Variants in DLG2 observed in about 807,000 individuals in gnomAD.
DLG2 encodes the protein disks large homolog 2.
A neutral mutation model predicts 132.5 loss-of-function variants in DLG2; 45 were observed. The ratio of observed to expected loss-of-function variants is 0.34; its 90% CI spans 0.27 to 0.44. The LOEUF (loss-of-function observed/expected upper bound fraction) is 0.44, where lower values mean the gene tolerates loss of function less well. DLG2 is among the 20% of genes least tolerant of loss of function. DLG2 has a pLI of 1.00. For missense variants in DLG2, 1,045 were observed against 1,196.9 expected (o/e 0.87, Z 1.87); for synonymous variants, 424 against 419.6 (o/e 1.01, Z -0.13).
intron 18 of DLG2, among the ~76,000 whole-genome samples, chr11:83,786,114 T>C (rs1566956829): frequency 6.6e-6 from 1 of 152,218 alleles, no homozygotes; most frequent in Non-Finnish European, 1.5e-5. Flanking sequence ...AAGCAGGGCA[T>C]GGCTAATCCA....
chr11:83,692,096 T>C (rs951132402), intron 18 of DLG2: 1 of 152,236 alleles, frequency 6.6e-6, no homozygotes, highest in Non-Finnish European at 1.5e-5. Context: ...GATCTGAGTT[T>C]CAAACCTGAA....
At chr11:84,161,775 T>A (rs1395917412) in intron 9 of DLG2, among the ~76,000 whole-genome samples, 1 of 152,130 alleles carries the variant, frequency 6.6e-6, no homozygotes, top group East Asian at 1.9e-4. Context: ...GGCCCCACGT[T>A]TTCATGTTGT....
chr11:84,078,573 G>A (rs941341739), intron 10 of DLG2, among the ~76,000 whole-genome samples: 1 of 152,128 alleles, frequency 6.6e-6, no homozygotes, highest in Non-Finnish European at 1.5e-5. Flanking sequence ...AAATGGAAAA[G>A]TGAAAAAGAA....
At chr11:85,168,674 T>C (rs927170611) in intron 4 of DLG2, among the ~76,000 whole-genome samples, 1 of 152,176 alleles carries the variant, frequency 6.6e-6, no homozygotes, top group African/African-American at 2.4e-5. Flanking sequence ...CATTTTTCTT[T>C]GATTTTTAAA....
At chr11:84,117,553 T>A (rs866270186) in intron 9 of DLG2, among the ~76,000 whole-genome samples, 3 of 152,200 alleles carry the variant, frequency 2.0e-5, no homozygotes, top group Admixed American at 6.5e-5. Flanking sequence ...CTCATGTATC[T>A]AAACGTGGTT....
chr11:84,879,775 C>A (rs963203534), intron 6 of DLG2, among the ~76,000 whole-genome samples: 1 of 152,062 alleles, frequency 6.6e-6, no homozygotes, highest in African/African-American at 2.4e-5. Context: ...CACTACTGTT[C>A]ATTTATTACA....
At chr11:85,507,992 T>A (rs1446182098) in intron 3 of DLG2, among the ~76,000 whole-genome samples, 1 of 152,172 alleles carries the variant, frequency 6.6e-6, no homozygotes, top group South Asian at 2.1e-4. Flanking sequence ...TTTCAGTTGA[T>A]CAAATTGCTA....
chr11:84,590,537 C>T (rs2099540288), intron 6 of DLG2, among the ~76,000 whole-genome samples: 1 of 152,114 alleles, frequency 6.6e-6, no homozygotes, highest in Non-Finnish European at 1.5e-5. Context: ...CTGTAAATTA[C>T]ATCTTGTAAA....
intron 2 of DLG2, among the ~76,000 whole-genome samples, chr11:85,612,248 C>G (rs973019776): frequency 1.3e-5 from 2 of 152,214 alleles, no homozygotes; most frequent in African/African-American, 4.8e-5. Context: ...CAACCCATAG[C>G]CTTCCTATCA....
chr11:85,261,517 C>G, intron 4 of DLG2, among the ~76,000 whole-genome samples: 1 of 152,062 alleles, frequency 6.6e-6, no homozygotes, highest in Non-Finnish European at 1.5e-5. Flanking sequence ...AGTCTGTCAG[C>G]AGACCCCGTG....
rs1267031412 is a variant in DLG2 at position 84,784,349 on chromosome 11, T to TAAAC, written c.358-249619_358-249618insGTTT. Among the ~76,000 whole-genome samples, 3 of 147,564 alleles carry TAAAC rather than the reference T, an allele frequency of 2.0e-5. No individual in the cohort carries two copies. The Admixed American group carries it at 2.0e-4, about 10-fold the overall frequency. ...ATAAATAAATAAATAAATAAATAAATAAATAAATAAATAAATAAATTAAAC... is the reference window on the plus strand; with the variant it reads ...ATAAATAAATAAATAAATAAATAAATAAACAAATAAATAAATAAATAAATTAAAC... On this transcript the variant is annotated intron_variant, in intron 6 of 27. Transcript: ENST00000376104.
chr11:85,183,071 T>C (rs995895885), intron 4 of DLG2, among the ~76,000 whole-genome samples: 2 of 151,742 alleles, frequency 1.3e-5, no homozygotes, highest in African/African-American at 4.8e-5. Flanking sequence ...AGGCAAAACA[T>C]TCTCAATTTC....
At chr11:85,425,639 C>A (rs897957159) in intron 3 of DLG2, among the ~76,000 whole-genome samples, 6 of 151,868 alleles carry the variant, frequency 4.0e-5, no homozygotes, top group Admixed American at 3.9e-4. Flanking sequence ...TAATTCTAAA[C>A]AAGAAAAAAA....
intron 5 of DLG2, among the ~76,000 whole-genome samples, chr11:85,136,260 T>G (rs1298678888): frequency 1.3e-5 from 2 of 152,200 alleles, no homozygotes; most frequent in Admixed American, 1.3e-4. Context: ...TATTCATTTG[T>G]TTGTATTCGC....
intron 6 of DLG2, among the ~76,000 whole-genome samples, chr11:84,802,123 A>C (rs79380647): frequency 6.6e-6 from 1 of 151,826 alleles, no homozygotes; most frequent in Non-Finnish European, 1.5e-5. Context: ...AAAAAAAAAA[A>C]GCATGAGCTT....
chr11:85,534,852 T>C (rs948999254), intron 3 of DLG2, among the ~76,000 whole-genome samples: 2 of 152,226 alleles, frequency 1.3e-5, no homozygotes, highest in Admixed American at 6.5e-5. Context: ...TGGGTATGTA[T>C]GCAATAATGG....
intron 6 of DLG2, among the ~76,000 whole-genome samples, chr11:84,576,564 T>C (rs1418261676): frequency 6.6e-6 from 1 of 152,118 alleles, no homozygotes; most frequent in African/African-American, 2.4e-5. Flanking sequence ...GTACAACATA[T>C]TGCAGTCACT....
At chr11:85,196,257 T>C (rs1201662309) in intron 4 of DLG2, among the ~76,000 whole-genome samples, 1 of 152,224 alleles carries the variant, frequency 6.6e-6, no homozygotes, top group Non-Finnish European at 1.5e-5. Flanking sequence ...CACACATACT[T>C]TGGAGACTCA....
At chr11:85,161,027 G>A (rs1023880858) in intron 4 of DLG2, among the ~76,000 whole-genome samples, 16 of 152,190 alleles carry the variant, frequency 1.1e-4, no homozygotes, top group Non-Finnish European at 2.4e-4. Flanking sequence ...CCAATGGTTT[G>A]GCTAGATGGT....
Sources: allele counts gnomAD v4.1 joint callset (sites outside exome capture counted in the v4.1 genomes callset), GRCh38; gene constraint gnomAD v4.1.1; transcripts MANE v1.5; gene names NCBI Gene and HGNC (gene_info 2026-07-23, HGNC 2026-07-21).